Variants in ZFAT observed in about 807,000 individuals in gnomAD.
ZFAT encodes the protein zinc finger and AT-hook domain containing.
In ZFAT, 64 loss-of-function variants were observed where a neutral mutation model predicts 117.7. The observed-to-expected ratio is 0.54, with a 90% confidence interval of 0.44 to 0.67. The LOEUF (loss-of-function observed/expected upper bound fraction) is 0.67, where lower values mean the gene tolerates loss of function less well. Among genes scored for constraint, ZFAT ranks in the 30% least tolerant of loss-of-function variants. ZFAT has a pLI of 0.00. For synonymous variants in ZFAT, 679 were observed against 615.0 expected (o/e 1.10, Z -1.54); for missense variants, 1,433 against 1,584.5 (o/e 0.90, Z 1.62).
intron 1 of ZFAT, among the ~76,000 whole-genome samples, chr8:134,684,076 G>A (rs1833199459): frequency 6.6e-6 from 1 of 152,060 alleles, no homozygotes; most frequent in Non-Finnish European, 1.5e-5. Context: ...TAACTTACAG[G>A]GGAAAAGCCA....
chr8:134,658,104 G>A (rs915795923), intron 1 of ZFAT, among the ~76,000 whole-genome samples: 4 of 152,212 alleles, frequency 2.6e-5, no homozygotes, highest in East Asian at 1.9e-4. Context: ...TTGGGAGGCC[G>A]AGGCGGGCGG....
intron 15 of ZFAT, among the ~76,000 whole-genome samples, chr8:134,494,417 C>A (rs1818280407): frequency 6.6e-6 from 1 of 152,162 alleles, no homozygotes. Context: ...ATCCGCTGCC[C>A]TTTAGTGGGC....
At chr8:134,526,833 C>CT (rs33917847) in intron 12 of ZFAT, among the ~76,000 whole-genome samples, 101 of 151,448 alleles carry the variant, frequency 6.7e-4, no homozygotes, top group African/African-American at 2.3e-3. Flanking sequence ...AGTTCATATT[C>CT]TTTTTTTTTA....
At chr8:134,653,559 AC>A (rs1831414993) in intron 2 of ZFAT, among the ~76,000 whole-genome samples, 3 of 151,012 alleles carry the variant, frequency 2.0e-5, no homozygotes, top group African/African-American at 7.3e-5. Context: ...GCCATCACAC[AC>A]AGCCGAAAAA....
intron 15 of ZFAT, among the ~76,000 whole-genome samples, chr8:134,507,383 C>T (rs1819493068): frequency 6.6e-6 from 1 of 151,556 alleles, no homozygotes; most frequent in African/African-American, 2.4e-5. Flanking sequence ...CCACTCTCCT[C>T]TCTGTCATTT....
At chr8:134,575,782 T>C (rs997746089) in intron 10 of ZFAT, among the ~76,000 whole-genome samples, 5 of 152,228 alleles carry the variant, frequency 3.3e-5, no homozygotes, top group African/African-American at 1.2e-4. Flanking sequence ...AAAAGCGTCC[T>C]GCAGGAAGCA....
chr8:134,825,808 CAGG>C, the ZFAT span, among the ~76,000 whole-genome samples: 42 of 152,202 alleles, frequency 2.8e-4, 1 homozygote, highest in South Asian at 8.5e-3. Context: ...ATCACGAGGT[CAGG>C]AGATCAAGAC....
Position 134,519,682 on chromosome 8 carries a change from C to G in ZFAT, c.3234+1201G>C, listed in dbSNP as rs1181972482. Among the ~76,000 whole-genome samples the G allele has an allele frequency of 2.0e-5, 3 of 152,148 alleles. 1 individual carries two copies. Among genetic ancestry groups the G allele is most frequent in the Non-Finnish European group, 4.4e-5 (3 of 68,022 alleles). On this transcript the variant is annotated intron_variant, in intron 13 of 15. Transcript: ENST00000377838. ...AGTTCTAGGTCTCCATCTGCTTTGT[C>G]TGGTCTAGCCACACTCACTGATGCC...
intron 3 of ZFAT, among the ~76,000 whole-genome samples, chr8:134,619,209 A>T (rs901131102): frequency 6.6e-6 from 1 of 152,166 alleles, no homozygotes; most frequent in Non-Finnish European, 1.5e-5. Context: ...ATTAGCCTAG[A>T]GTTGGGCAAA....
chr8:134,662,797 T>C (rs1476907613), intron 1 of ZFAT, among the ~76,000 whole-genome samples: 1 of 152,168 alleles, frequency 6.6e-6, no homozygotes, highest in African/African-American at 2.4e-5. Flanking sequence ...GCAGACAGCA[T>C]GTAAAAAGGC....
upstream of ZFAT, chr8:134,713,181 A>G (rs1338964586): frequency 4.1e-6 from 1 of 246,714 alleles, no homozygotes; most frequent in Non-Finnish European, 7.7e-6. Flanking sequence ...ATCCCACTTC[A>G]CGGATTCCGC....
chr8:134,702,757 C>T (rs1303584052), intron 1 of ZFAT, among the ~76,000 whole-genome samples: 3 of 151,788 alleles, frequency 2.0e-5, no homozygotes, highest in East Asian at 1.9e-4. Flanking sequence ...CTGCAAGCTC[C>T]GCCTTCCGGG....
At position 134,497,343 on chromosome 8, in the gene ZFAT, G is replaced by A. The variant is rs1053237805; in HGVS notation, c.3492+12276C>T. ...GAACAGCATCCTCTGTGAGCCAGAG[G>A]AGGGGGACTGACAGCTGAGAACAGG... On this transcript the variant is annotated intron_variant, in intron 15 of 15. Transcript: ENST00000377838. 7.2e-5 allele frequency among the ~76,000 whole-genome samples: 11 copies of A among 152,170 alleles called. 1 individual carries two copies. Among genetic ancestry groups the A allele is most frequent in the Non-Finnish European group, 1.6e-4 (11 of 67,982 alleles).
At chr8:134,485,823 A>G (rs1294603135) in intron 15 of ZFAT, among the ~76,000 whole-genome samples, 1 of 152,204 alleles carries the variant, frequency 6.6e-6, no homozygotes, top group African/African-American at 2.4e-5. Context: ...GAAAGGGAAA[A>G]TGTTCTTACT....
intron 1 of ZFAT, among the ~76,000 whole-genome samples, chr8:134,694,192 G>A (rs912361559): frequency 1.3e-5 from 2 of 152,312 alleles, no homozygotes; most frequent in South Asian, 2.1e-4. Flanking sequence ...GCTGGAATGA[G>A]GCACGTGGCT....
the ZFAT span, chr8:134,784,853 T>C: frequency 6.6e-6 from 1 of 152,138 alleles, no homozygotes; most frequent in African/African-American, 2.4e-5. Context: ...TTTTTTTCCC[T>C]CTCTAAATCT....
chr8:134,718,500 A>C, the ZFAT span, among the ~76,000 whole-genome samples: 1 of 149,742 alleles, frequency 6.7e-6, no homozygotes, highest in East Asian at 1.9e-4. Flanking sequence ...TGTCTCAAAG[A>C]AAAAAAATAG....
intron 8 of ZFAT, among the ~76,000 whole-genome samples, chr8:134,589,819 G>A (rs563864774): frequency 6.6e-6 from 1 of 152,360 alleles, no homozygotes; most frequent in East Asian, 1.9e-4. Flanking sequence ...TGAACACCCA[G>A]GTAGCTGGTG....
At chr8:134,684,333 AAATTT>A (rs1833212425) in intron 1 of ZFAT, among the ~76,000 whole-genome samples, 2 of 152,220 alleles carry the variant, frequency 1.3e-5, no homozygotes, top group African/African-American at 4.8e-5. Context: ...AAGAAAAATT[AAATTT>A]AAAAAAACAC....
Sources: allele counts gnomAD v4.1 joint callset (sites outside exome capture counted in the v4.1 genomes callset), GRCh38; gene constraint gnomAD v4.1.1; transcripts MANE v1.5; gene names NCBI Gene and HGNC (gene_info 2026-07-23, HGNC 2026-07-21).